PFAS: variants seen among roughly 807,000 people sequenced by gnomAD.
PFAS encodes the protein phosphoribosylformylglycinamidine synthase, also known as FGAM synthase.
A neutral mutation model predicts 140.6 loss-of-function variants in PFAS; 97 were observed. The observed-to-expected ratio is 0.69, with a 90% CI of 0.59 to 0.82. The LOEUF is 0.82. Ranked by LOEUF, PFAS falls within the 40% of genes least tolerant of loss-of-function variation. The pLI is 0.00. For synonymous variants in PFAS, 679 were observed against 718.8 expected, an observed-to-expected ratio of 0.94 and a Z score of 0.88; for missense variants, 1,656 against 1,780.2, an observed-to-expected ratio of 0.93 and a Z score of 1.26.
In PFAS at chr17:8,258,065, C is replaced by T. The variant is rs1989445348; in HGVS notation, c.1208-6C>T. ...GTGACAGGTCCCTCTGATGTTCACA[C>T]TCCAGGCTTCGCCCGCTCCTTGGGC... On this transcript the variant is annotated splice_region_variant and splice_polypyrimidine_tract_variant and intron_variant, in intron 10 of 27. Coordinates refer to ENST00000314666, the MANE Select transcript of PFAS (RefSeq NM_012393.3). 5.0e-6 allele frequency: 8 copies of T among 1,614,014 alleles called. No homozygotes were observed. The highest frequency in any genetic ancestry group is 1.6e-4 in the Middle Eastern group (1 of 6,084).
chr17:8,265,135 C>T lies in PFAS; in HGVS notation c.2280+10C>T. The T allele has an allele frequency of 6.2e-7, 1 of 1,604,576 alleles. No individual in the cohort carries two copies. On this transcript the variant is annotated intron_variant, in intron 18 of 27. Transcript: ENST00000314666. Reference sequence around the variant, plus strand: ...GGTCACTGACCTCCGGGTGAGTTCTCCCACAGCTTCTATCCTGGAGCCCCC... The same window carrying T: ...GGTCACTGACCTCCGGGTGAGTTCTTCCACAGCTTCTATCCTGGAGCCCCC...
intron 1 of PFAS, among the ~76,000 whole-genome samples, chr17:8,253,627 C>A (rs1464458906): frequency 6.6e-6 from 1 of 152,122 alleles, no homozygotes; most frequent in African/African-American, 2.4e-5. Flanking sequence ...GCAACCTCTG[C>A]CTCCCGGGTT....
chr17:8,266,883 C>T lies in PFAS; in HGVS notation c.2952C>T (p.Ala984=), dbSNP rs775694210. The part of the protein sequence containing the change: ...HCLELGHTGE[A]GPHAMVRVSV... ...TGGAGCTGGGCCACACAGGCGAGGC[C>T]GGGCCCCACGCCATGGTGAGGAAGT... is the stretch of plus-strand genomic sequence containing the variant. The change falls in exon 23 of 28, where the codon GCC becomes GCT. Residue 984 remains alanine, a synonymous_variant. Transcript: ENST00000314666. The surrounding 1 kb of genome is among the most constrained non-coding windows in gnomAD (Gnocchi z 5.0). 21 of 1,603,876 alleles carry T rather than the reference C, an allele frequency of 1.3e-5. No individual in the cohort carries two copies. The highest frequency in any genetic ancestry group is 4.4e-5 in the South Asian group (4 of 90,408).
chr17:8,266,454 TC>T lies in PFAS; in HGVS notation c.2821+104del. 6.5e-7 allele frequency: 1 copy of T among 1,545,546 alleles called. No homozygotes were observed. Among genetic ancestry groups the T allele is most frequent in the Non-Finnish European group, 8.7e-7 (1 of 1,145,754 alleles). On this transcript the variant is annotated intron_variant, in intron 22 of 27. Coordinates refer to ENST00000314666, the MANE Select transcript of PFAS (RefSeq NM_012393.3). The surrounding 1 kb of genome is among the most constrained non-coding windows in gnomAD (Gnocchi z 5.0). ...GAGTGGAGTGCCCTCCAGTCCCCTT[TC>T]CCTGAGTCTTCCCTGACTAGCTTTT...
chr17:8,263,636 G>GCC lies in PFAS; in HGVS notation c.1629_1629+1insCC (p.Leu544ProfsTer7), dbSNP rs757809417. ...CCATCATTTACACCAGCCGCTTCCAGGTGGGTCTCGTCCCCTGAAGTGTGA... is the reference window on the plus strand; with the variant it reads ...CCATCATTTACACCAGCCGCTTCCAGCCGTGGGTCTCGTCCCCTGAAGTGTGA... On this transcript the variant is annotated frameshift_variant and splice_region_variant. Coordinates refer to ENST00000314666, the MANE Select transcript of PFAS (RefSeq NM_012393.3). LOFTEE classifies it high-confidence loss of function. 2.5e-6 allele frequency: 4 copies of GCC among 1,613,842 alleles called. No homozygotes were observed. In the East Asian group the frequency reaches 8.9e-5, roughly 36 times the overall value.
rs1388806492 is a variant in PFAS at position 8,254,082 on chromosome 17, T to G, written c.142+3T>G. On this transcript the variant is annotated splice_donor_region_variant and intron_variant, in intron 2 of 27. Coordinates refer to ENST00000314666, the MANE Select transcript of PFAS (RefSeq NM_012393.3). The stretch of plus-strand genomic sequence containing the variant: ...GTGCTACAACGTGAACTGGACAGGT[T>G]GGGCCCAGGTATTAGATTCTTGGGG... The G allele has an allele frequency of 1.2e-6, 2 of 1,613,940 alleles. No individual in the cohort carries two copies. Among genetic ancestry groups the G allele is most frequent in the South Asian group, 1.1e-5 (1 of 91,072 alleles).
chr17:8,253,742 T>C, intron 1 of PFAS, 117 bp from the exon 2 acceptor site: 1 of 586,532 alleles, frequency 1.7e-6, no homozygotes, highest in South Asian at 3.1e-5. Context: ...TTTCACTATG[T>C]TGGCCGGGCT....
chr17:8,250,166 C>T (rs954617047), intron 1 of PFAS, among the ~76,000 whole-genome samples: 1 of 152,096 alleles, frequency 6.6e-6, no homozygotes, highest in East Asian at 1.9e-4. Flanking sequence ...GTGGTTGGTG[C>T]ATTGTGGGTG....
rs534984544 is a variant in PFAS, at chr17:8,269,534, G to C, written c.*270G>C. On this transcript the variant is annotated 3_prime_UTR_variant, in exon 28 of 28. Transcript: ENST00000314666. ...TCAGAGAAAAGAGCGACAAGGAAAA[G>C]TTAGGACTCCTGAGGTCCGAACAGG... is the stretch of plus-strand genomic sequence containing the variant. The C allele has an allele frequency of 7.0e-6, 3 of 426,204 alleles. No homozygotes were observed. Among genetic ancestry groups the C allele is most frequent in the African/African-American group, 5.9e-5 (3 of 50,672 alleles). The allele number at this position is 426,204 out of a possible 1,614,324, so 26.4% of individuals were successfully genotyped here. A position where few individuals can be genotyped will look rare whatever the true frequency, so the allele number is the denominator to read the frequency against.
At position 8,265,382 on chromosome 17, in the gene PFAS, T is replaced by C. The variant is rs1989771319; in HGVS notation, c.2375T>C (p.Met792Thr). ...ADACEAMVAVMAALGVAVDGG... is the reference protein window; with the variant it reads ...ADACEAMVAVTAALGVAVDGG... ...GCCTGTGAGGCTATGGTGGCAGTGA[T>C]GGCAGCCCTGGGTGTGGCAGTGGAT... The change falls in exon 19 of 28, where the codon ATG becomes ACG. Residue 792 changes from methionine (M) to threonine (T), a missense_variant. Physicochemically the swap from Met to Thr is moderately conservative, Grantham distance 81. Transcript: ENST00000314666. 2.5e-6 allele frequency: 4 copies of C among 1,614,036 alleles called. No homozygotes were observed. In the Admixed American group the frequency reaches 6.7e-5, roughly 27 times the overall value.
chr17:8,248,002 AC>A (rs1256152628), upstream of PFAS: 1 of 1,571,754 alleles, frequency 6.4e-7, no homozygotes, highest in Non-Finnish European at 8.7e-7. Flanking sequence ...AGCAGCACTC[AC>A]GGAGGAAGGG....
intron 11 of PFAS, among the ~76,000 whole-genome samples, chr17:8,259,962 G>C (rs1989525287): frequency 2.0e-5 from 3 of 152,018 alleles, no homozygotes. Context: ...TTAGCTGGGT[G>C]TGGTGGCGCG....
chr17:8,266,930 T>TG lies in PFAS; in HGVS notation c.2967+35dup. On this transcript the variant is annotated intron_variant, in intron 23 of 27. Transcript: ENST00000314666. This position sits in a 1 kb window ranked among gnomAD's most constrained non-coding sequence, Gnocchi z 5.0. ...AAGTGAGGGAGAGAGCGGTGTGCAG[T>TG]GGGCAGTCAGAGTGGGGTGGCCGCG... 6.3e-7 allele frequency: 1 copy of TG among 1,598,886 alleles called. No homozygotes were observed. The highest frequency in any genetic ancestry group is 1.1e-5 in the South Asian group (1 of 90,044).
rs991257626 is a variant in PFAS at position 8,269,598 on chromosome 17, G to A, written c.*334G>A. 11 of 257,980 alleles carry A rather than the reference G, an allele frequency of 4.3e-5. No homozygotes were observed. Among genetic ancestry groups the A allele is most frequent in the East Asian group, 8.0e-5 (1 of 12,538 alleles). 16.0% of individuals were successfully genotyped at this position (257,980 alleles called of 1,614,324 possible). The stretch of plus-strand genomic sequence containing the variant: ...CACTTCACAACACCCAGTGATCACC[G>A]GTGTGCAATTGCCTCCTTGGCTCTG... On this transcript the variant is annotated 3_prime_UTR_variant, in exon 28 of 28. Coordinates refer to ENST00000314666, the MANE Select transcript of PFAS (RefSeq NM_012393.3).
At chr17:8,254,420 T>G (rs763135626) in intron 3 of PFAS, 119 bp downstream of exon 3, 93 of 1,184,990 alleles carry the variant, frequency 7.8e-5, no homozygotes, top group African/African-American at 1.2e-4. Flanking sequence ...ACCACACATG[T>G]GCTTTCCCCA....
chr17:8,268,049 AATATATAT>A (rs373386097), intron 26 of PFAS, among the ~76,000 whole-genome samples: 4 of 135,448 alleles, frequency 3.0e-5, no homozygotes, highest in African/African-American at 1.1e-4. Context: ...TATATTTTTA[AATATATAT>A]ATATATATAT....
rs776039693 is a variant in PFAS, at chr17:8,264,586, C to T, written c.2034C>T (p.Arg678=). The T allele has an allele frequency of 6.2e-7, 1 of 1,612,734 alleles. No homozygotes were observed. The highest frequency in any genetic ancestry group is 1.7e-5 in the Admixed American group (1 of 59,766). Residue 678 remains arginine, a synonymous_variant, in exon 17 of 28, where the codon CGC becomes CGT. Transcript: ENST00000314666. ...VLRLPAVASK[R]YLTNKVDRSV... ...GGCTGCCCGCCGTGGCCAGCAAGCGCTACCTCACCAATAAGGTCCTCCCTG... is the reference window on the plus strand; with the variant it reads ...GGCTGCCCGCCGTGGCCAGCAAGCGTTACCTCACCAATAAGGTCCTCCCTG...
chr17:8,255,017 C>T lies in PFAS; in HGVS notation c.279-10C>T, dbSNP rs747916307. 3.1e-6 allele frequency: 5 copies of T among 1,603,710 alleles called. No homozygotes were observed. Among genetic ancestry groups the T allele is most frequent in the Non-Finnish European group, 3.4e-6 (4 of 1,170,734 alleles). On this transcript the variant is annotated splice_polypyrimidine_tract_variant and intron_variant, in intron 3 of 27. Coordinates refer to ENST00000314666, the MANE Select transcript of PFAS (RefSeq NM_012393.3). ...GTTCTCCAGTCCTAACCATCAGGCCCATTGTTCAGGCTGAACTTCTCCACC... is the reference window on the plus strand; with the variant it reads ...GTTCTCCAGTCCTAACCATCAGGCCTATTGTTCAGGCTGAACTTCTCCACC...
chr17:8,268,372 C>CAAAA (rs372234499), intron 26 of PFAS, among the ~76,000 whole-genome samples, 161 bp from the exon 27 acceptor site: 4 of 40,936 alleles, frequency 9.8e-5, no homozygotes, highest in Non-Finnish European at 1.5e-4. Context: ...GATTCCATCT[C>CAAAA]AAAAAAAAAA....
Sources: allele counts gnomAD v4.1 joint callset (sites outside exome capture counted in the v4.1 genomes callset), GRCh38; gene constraint gnomAD v4.1.1; non-coding constraint Gnocchi (gnomAD v3.1); transcripts MANE v1.5; gene names NCBI Gene and HGNC (gene_info 2026-07-23, HGNC 2026-07-21).